Variants in TBCK observed in about 807,000 individuals in gnomAD.
TBCK encodes TBC domain-containing protein kinase-like protein.
TBCK carries 99 observed loss-of-function variants against 113.4 expected under a neutral mutation model. The observed-to-expected ratio is 0.87, with a 90% confidence interval of 0.74 to 1.03. TBCK has a LOEUF of 1.03. TBCK is among the 50% of genes least tolerant of loss of function. The probability of loss-of-function intolerance (pLI) is 0.00; values close to 1 mark genes in which losing one functional copy is unlikely to be tolerated. For missense variants in TBCK, 1,045 were observed against 1,061.3 expected (o/e 0.98, Z 0.21); for synonymous variants, 369 against 370.8 (o/e 1.00, Z 0.05).
chr4:106,125,289 G>T (rs561774017), intron 23 of TBCK, among the ~76,000 whole-genome samples: 1 of 152,052 alleles, frequency 6.6e-6, no homozygotes, highest in African/African-American at 2.4e-5. Flanking sequence ...TCATTACAGC[G>T]CTATTCACAA....
intron 19 of TBCK, 35 bp from the exon 20 acceptor site, chr4:106,212,870 T>C: frequency 2.3e-6 from 3 of 1,293,744 alleles, no homozygotes; most frequent in Middle Eastern, 1.9e-4. Flanking sequence ...TCATCATTTT[T>C]ACACAGTACT....
chr4:106,075,296 G>A (rs1418302821), intron 25 of TBCK, among the ~76,000 whole-genome samples: 1 of 152,148 alleles, frequency 6.6e-6, no homozygotes, highest in Non-Finnish European at 1.5e-5. Flanking sequence ...TTCTTGAAAC[G>A]ATTTCCTAAT....
chr4:106,226,953 C>G lies in TBCK; in HGVS notation c.1774+3410G>C, dbSNP rs538344965. Among the ~76,000 whole-genome samples, 4 of 152,138 alleles carry G rather than the reference C, an allele frequency of 2.6e-5. No individual in the cohort carries two copies. In the South Asian group the frequency reaches 8.3e-4, roughly 32 times the overall value. On this transcript the variant is annotated intron_variant, in intron 19 of 25. Transcript: ENST00000394708. The stretch of plus-strand genomic sequence containing the variant: ...AATTTTGAAGAAGGTATAACATGGT[C>G]CTTGAAGTCAATGACCTTATTAAGG...
In TBCK at chr4:106,042,689, G is replaced by A. The variant is rs1412042887; in HGVS notation, c.*3881C>T. 1 of 152,030 alleles carries A rather than the reference G, an allele frequency of 6.6e-6. No homozygotes were observed. The highest frequency in any genetic ancestry group is 6.5e-5 in the Admixed American group (1 of 15,276). The allele number at this position is 152,030 out of a possible 1,614,324, so 9.4% of individuals were successfully genotyped here. On this transcript the variant is annotated 3_prime_UTR_variant, in exon 26 of 26. Transcript: ENST00000394708. ...CTAATTCCCAAAGGAATATTTTTTG[G>A]TAACTATTTGGAGGAGGAAAGCACA... is the stretch of plus-strand genomic sequence containing the variant.
At chr4:106,125,231 C>A (rs1745040799) in intron 23 of TBCK, among the ~76,000 whole-genome samples, 1 of 152,004 alleles carries the variant, frequency 6.6e-6, no homozygotes, top group African/African-American at 2.4e-5. Flanking sequence ...TGGGTATATA[C>A]CCAAAAGAAA....
Position 106,139,390 on chromosome 4 carries a change from C to T in TBCK, c.2236-23012G>A, listed in dbSNP as rs1040031341. Among the ~76,000 whole-genome samples the T allele has an allele frequency of 6.4e-5, 9 of 141,616 alleles. 1 individual carries two copies. Among genetic ancestry groups the T allele is most frequent in the Non-Finnish European group, 1.1e-4 (7 of 62,220 alleles). The allele number at this position is 141,616 out of a possible 152,430, so 92.9% of individuals were successfully genotyped here. ...TCAGCCAACCATTTACATTTGAATG[C>T]AATTAAGATGTCCCAAATAAAGGAA... On this transcript the variant is annotated intron_variant, in intron 23 of 25. Transcript: ENST00000394708.
In TBCK at chr4:106,215,836, GA is replaced by G. The variant is rs1223976604; in HGVS notation, c.1775-3002del. On this transcript the variant is annotated intron_variant, in intron 19 of 25. Transcript: ENST00000394708. ...ACAGAAAGTCAACAAGGATACCCAG[GA>G]ATTGAACTCAGCTCTGCACCAAGCG... Among the ~76,000 whole-genome samples the G allele has an allele frequency of 1.1e-4, 17 of 151,530 alleles. No homozygotes were observed. The South Asian group carries it at 1.9e-3, about 17-fold the overall frequency.
At chr4:106,310,546 G>A (rs1768089485) in intron 1 of TBCK, 1 of 152,194 alleles carries the variant, frequency 6.6e-6, no homozygotes, top group South Asian at 2.1e-4. Flanking sequence ...CTTCCCTAAA[G>A]AAGCTGAACA....
At chr4:106,264,903 A>T (rs1390943577) in intron 3 of TBCK, among the ~76,000 whole-genome samples, 1 of 151,862 alleles carries the variant, frequency 6.6e-6, no homozygotes, top group Non-Finnish European at 1.5e-5. Flanking sequence ...GGAAAGAATT[A>T]CTCCATTGTC....
At chr4:106,202,023 T>C (rs1259056398) in intron 20 of TBCK, among the ~76,000 whole-genome samples, 1 of 152,026 alleles carries the variant, frequency 6.6e-6, no homozygotes, top group Non-Finnish European at 1.5e-5. Context: ...TTTAGGATTA[T>C]TGTGAAGATT....
chr4:106,313,603 A>G (rs1182062755), intron 1 of TBCK, among the ~76,000 whole-genome samples: 2 of 152,242 alleles, frequency 1.3e-5, no homozygotes, highest in East Asian at 1.9e-4. Context: ...TGAGGGGCTA[A>G]GAAACAATGT....
chr4:106,262,344 T>C, intron 3 of TBCK, 132 bp from the exon 4 acceptor site: 1 of 510,660 alleles, frequency 2.0e-6, no homozygotes, highest in Non-Finnish European at 3.5e-6. Context: ...TCTGAGAAAA[T>C]AGAATCTATA....
In TBCK at chr4:106,233,007, C is replaced by T; in HGVS notation, c.1570G>A (p.Gly524Ser). Residue 524 changes from glycine to serine, a missense_variant, in exon 17 of 26, where the codon GGT (glycine) becomes AGT (serine). Coordinates refer to ENST00000394708, the MANE Select transcript of TBCK (RefSeq NM_001163435.3). ...QYDELLSSPEGHAKFRRVLKA... is the reference protein window; with the variant it reads ...QYDELLSSPESHAKFRRVLKA... ...AATACACGCCTAAATTTTGCATGAC[C>T]TTCTGGTGATGATAACAGTTCATCG... 2 of 1,612,268 alleles carry T rather than the reference C, an allele frequency of 1.2e-6. No homozygotes were observed. The highest frequency in any genetic ancestry group is 1.7e-6 in the Non-Finnish European group (2 of 1,178,826).
intron 23 of TBCK, among the ~76,000 whole-genome samples, chr4:106,118,417 A>G (rs1341479615): frequency 1.3e-5 from 2 of 152,330 alleles, no homozygotes; most frequent in African/African-American, 4.8e-5. Context: ...GCTTTTAATA[A>G]AAAATAGGCA....
In TBCK at chr4:106,272,799, T is replaced by C. The variant is rs114579417; in HGVS notation, c.267-10587A>G. Among the ~76,000 whole-genome samples, 142 of 152,266 alleles carry C rather than the reference T, an allele frequency of 9.3e-4. 1 individual carries two copies. The highest frequency in any genetic ancestry group is 3.4e-3 in the African/African-American group (140 of 41,542). On this transcript the variant is annotated intron_variant, in intron 3 of 25. Coordinates refer to ENST00000394708, the MANE Select transcript of TBCK (RefSeq NM_001163435.3). ...CAAGAGTCACCTCGCCTGGCCTCTTTAACTTTTAACTACAGTTAAGGGTAT... is the reference window on the plus strand; with the variant it reads ...CAAGAGTCACCTCGCCTGGCCTCTTCAACTTTTAACTACAGTTAAGGGTAT...
At chr4:106,078,816 A>T (rs2149488894) in intron 25 of TBCK, among the ~76,000 whole-genome samples, 1 of 152,228 alleles carries the variant, frequency 6.6e-6, no homozygotes, top group East Asian at 1.9e-4. Context: ...TCATACCAAA[A>T]TCTGGCAGAG....
intron 22 of TBCK, among the ~76,000 whole-genome samples, chr4:106,189,016 A>G (rs1753358661): frequency 6.6e-6 from 1 of 152,198 alleles, no homozygotes; most frequent in African/African-American, 2.4e-5. Context: ...CAAGACTGAC[A>G]TAACCTGAGG....
intron 22 of TBCK, among the ~76,000 whole-genome samples, chr4:106,180,186 T>C (rs1305763374): frequency 6.6e-6 from 1 of 151,966 alleles, no homozygotes; most frequent in African/African-American, 2.4e-5. Context: ...TCAGCCATTC[T>C]AGCTCTTTTT....
intron 23 of TBCK, among the ~76,000 whole-genome samples, chr4:106,131,338 C>T (rs530131586): frequency 1.2e-4 from 19 of 152,316 alleles, no homozygotes; most frequent in African/African-American, 1.4e-4. Context: ...GTAGGCCAGG[C>T]GCCGTGGCTC....
Sources: allele counts gnomAD v4.1 joint callset (sites outside exome capture counted in the v4.1 genomes callset), GRCh38; gene constraint gnomAD v4.1.1; transcripts MANE v1.5; gene names NCBI Gene and HGNC (gene_info 2026-07-23, HGNC 2026-07-21).